MPDZ: variants seen among roughly 807,000 people sequenced by gnomAD.
MPDZ encodes multiple PDZ domain crumbs cell polarity complex component.
A neutral mutation model predicts 239.1 loss-of-function variants in MPDZ; 234 were observed. The ratio of observed to expected loss-of-function variants is 0.98; its 90% CI spans 0.88 to 1.09. The LOEUF (loss-of-function observed/expected upper bound fraction) is 1.09. MPDZ is among the 50% of genes least tolerant of loss of function. The pLI is 0.00. For synonymous variants in MPDZ, 1,048 were observed against 881.3 expected (o/e 1.19, Z -3.35); for missense variants, 3,175 against 2,510.0 (o/e 1.26, Z -5.66).
At chr9:13,181,985 A>G (rs1953401919) in intron 19 of MPDZ, among the ~76,000 whole-genome samples, 1 of 152,122 alleles carries the variant, frequency 6.6e-6, no homozygotes, top group African/African-American at 2.4e-5. Context: ...GCTCCACTCA[A>G]GATTATACCT....
chr9:13,140,393 CATATAT>C (rs535672637), intron 27 of MPDZ, among the ~76,000 whole-genome samples: 1 of 136,548 alleles, frequency 7.3e-6, no homozygotes, highest in Admixed American at 7.4e-5. Context: ...TATATATATA[CATATAT>C]ATATATATAT....
chr9:13,138,563 T>C (rs143238694), intron 28 of MPDZ, among the ~76,000 whole-genome samples: 1 of 152,212 alleles, frequency 6.6e-6, no homozygotes, highest in Admixed American at 6.5e-5. Context: ...AATTTCAACA[T>C]TGTGTATCAC....
chr9:13,114,867 T>C (rs971179577), intron 40 of MPDZ, among the ~76,000 whole-genome samples: 1 of 151,884 alleles, frequency 6.6e-6, no homozygotes, highest in African/African-American at 2.4e-5. Flanking sequence ...GCCACTGCAC[T>C]CCAGCCTGGG....
chr9:13,189,960 C>A (rs1309487972), intron 16 of MPDZ, among the ~76,000 whole-genome samples, 154 bp downstream of exon 16: 1 of 152,002 alleles, frequency 6.6e-6, no homozygotes, highest in Non-Finnish European at 1.5e-5. Context: ...AAAAGAAATC[C>A]TTTATGATAA....
chr9:13,267,157 T>C (rs1971964642), intron 1 of MPDZ, among the ~76,000 whole-genome samples: 1 of 152,246 alleles, frequency 6.6e-6, no homozygotes, highest in Non-Finnish European at 1.5e-5. Context: ...CATTTAAGAA[T>C]TGACTGCTAT....
chr9:13,135,778 C>T (rs1946649359), intron 31 of MPDZ: 2 of 176,964 alleles, frequency 1.1e-5, no homozygotes, highest in Non-Finnish European at 2.4e-5. Context: ...TTTTGCCCCC[C>T]AAATCTTCCA....
At chr9:13,279,261 C>T (rs1975047018) in intron 1 of MPDZ, 139 bp downstream of exon 1, 1 of 131,800 alleles carries the variant, frequency 7.6e-6, no homozygotes, top group Admixed American at 7.2e-5. Flanking sequence ...ACCCCCACCC[C>T]CACCCCCACC....
intron 28 of MPDZ, among the ~76,000 whole-genome samples, chr9:13,138,775 G>C (rs941756720): frequency 1.3e-5 from 2 of 152,162 alleles, no homozygotes; most frequent in African/African-American, 2.4e-5. Flanking sequence ...TAATCTAAGA[G>C]GGCTGACGCC....
At chr9:13,179,198 A>T (rs1202906525) in intron 19 of MPDZ, among the ~76,000 whole-genome samples, 1 of 152,146 alleles carries the variant, frequency 6.6e-6, no homozygotes, top group Non-Finnish European at 1.5e-5. Context: ...ATCATCCTCC[A>T]CAAGCCCAGG....
At position 13,193,639 on chromosome 9, in the gene MPDZ, G is replaced by C. The variant is rs1011039784; in HGVS notation, c.1657-326C>G. ...GTTCAGAAAAGGTACCATGACCAGA[G>C]CTGCACAGCTAGAAAAGGGTTTGAA... On this transcript the variant is annotated intron_variant, in intron 13 of 46. Coordinates refer to ENST00000319217, the MANE Select transcript of MPDZ (RefSeq NM_001378778.1). 2.0e-5 allele frequency among the ~76,000 whole-genome samples: 3 copies of C among 152,152 alleles called. No homozygotes were observed. The East Asian group carries it at 5.8e-4, about 29-fold the overall frequency.
At chr9:13,120,455 T>C (rs1207622199) in intron 38 of MPDZ, 1 of 152,126 alleles carries the variant, frequency 6.6e-6, no homozygotes, top group Non-Finnish European at 1.5e-5. Context: ...GAGTTTAGGG[T>C]TCATTAATGG....
chr9:13,253,776 G>A (rs1411348), intron 1 of MPDZ, among the ~76,000 whole-genome samples: 1 of 152,156 alleles, frequency 6.6e-6, no homozygotes, highest in Non-Finnish European at 1.5e-5. Flanking sequence ...GATGAGCTAT[G>A]GATATGGTAA....
At chr9:13,137,680 A>G (rs1947023795) in intron 29 of MPDZ, among the ~76,000 whole-genome samples, 1 of 152,134 alleles carries the variant, frequency 6.6e-6, no homozygotes, top group African/African-American at 2.4e-5. Flanking sequence ...GCAGCACACA[A>G]AACAAATGCT....
In MPDZ at chr9:13,150,703, A is replaced by C; in HGVS notation, c.3453-15T>G. 1 of 1,318,256 alleles carries C rather than the reference A, an allele frequency of 7.6e-7. No homozygotes were observed. Among genetic ancestry groups the C allele is most frequent in the Non-Finnish European group, 9.8e-7 (1 of 1,025,168 alleles). 81.7% of individuals were successfully genotyped at this position (1,318,256 alleles called of 1,614,324 possible). A position where few individuals can be genotyped will look rare whatever the true frequency, so the allele number is the denominator to read the frequency against. ...AGAGTTCCACCCTAAAAAATAAATAAAATTTTCAACTCTTAGGAAAAATCA... is the reference window on the plus strand; with the variant it reads ...AGAGTTCCACCCTAAAAAATAAATACAATTTTCAACTCTTAGGAAAAATCA... On this transcript the variant is annotated splice_polypyrimidine_tract_variant and intron_variant, in intron 24 of 46. Coordinates refer to ENST00000319217, the MANE Select transcript of MPDZ (RefSeq NM_001378778.1).
At chr9:13,213,467 AACAG>A (rs918823089) in intron 10 of MPDZ, among the ~76,000 whole-genome samples, 53 of 152,224 alleles carry the variant, frequency 3.5e-4, no homozygotes, top group African/African-American at 1.0e-3. Flanking sequence ...TCGAACAAAT[AACAG>A]ACAAAGACTG....
intron 1 of MPDZ, chr9:13,274,635 TTTTTA>T (rs1973757460): frequency 6.7e-6 from 1 of 149,782 alleles, no homozygotes; most frequent in Non-Finnish European, 1.5e-5. Context: ...AAAAAAAAAG[TTTTTA>T]TTTTATGTAA....
Position 13,136,091 on chromosome 9 carries a change from C to A in MPDZ, c.4383+1G>T, listed in dbSNP as rs1395982478. ...GAGAAACAAACATAAGTTACATATA[C>A]CTCCTTATTTTGAAGATTTTCTGAG... is the stretch of plus-strand genomic sequence containing the variant. On this transcript the variant is annotated splice_donor_variant, in intron 31 of 46. Coordinates refer to ENST00000319217, the MANE Select transcript of MPDZ (RefSeq NM_001378778.1). LOFTEE classifies it high-confidence loss of function. 6.3e-6 allele frequency: 10 copies of A among 1,590,906 alleles called. No homozygotes were observed. The highest frequency in any genetic ancestry group is 8.6e-6 in the Non-Finnish European group (10 of 1,160,924).
chr9:13,186,379 G>A lies in MPDZ; in HGVS notation c.2372C>T (p.Pro791Leu). The A allele has an allele frequency of 1.3e-6, 2 of 1,564,562 alleles. No individual in the cohort carries two copies. Among genetic ancestry groups the A allele is most frequent in the Non-Finnish European group, 1.7e-6 (2 of 1,151,536 alleles). The change falls in exon 18 of 47, where the codon CCA (proline) becomes CTA (leucine). Residue 791 changes from proline (P) to leucine (L), a missense_variant. By Grantham distance (98) the Pro-to-Leu change is moderately conservative. Transcript: ENST00000319217. ...IGVAKPLPLS[P>L]EEGYVSAKED... The stretch of plus-strand genomic sequence containing the variant: ...CTTAGCAGAAACATAACCTTCTTCT[G>A]GTGAAAGCTGCAGGGAAAAAATGGT...
chr9:13,241,741 A>C (rs1965453485), intron 3 of MPDZ, among the ~76,000 whole-genome samples: 1 of 152,232 alleles, frequency 6.6e-6, no homozygotes, highest in Non-Finnish European at 1.5e-5. Flanking sequence ...CTCTAAAATG[A>C]TAAATGTAAG....
Sources: gnomAD v4.1 joint callset for allele counts (sites outside exome capture counted in the v4.1 genomes callset) on GRCh38, gnomAD v4.1.1 for gene constraint, MANE v1.5 for transcripts, NCBI Gene and HGNC (gene_info 2026-07-23, HGNC 2026-07-21) for gene names.